Variants in PROK2 observed in about 807,000 individuals in gnomAD.
The protein encoded by PROK2 is prokineticin-2.
PROK2 carries 8 observed loss-of-function variants against 14.2 expected under a neutral mutation model. That is an observed-to-expected ratio of 0.56 (90% CI 0.33 to 1.02). PROK2 has a LOEUF of 1.02. PROK2 is among the 50% of genes least tolerant of loss of function. The pLI is 0.03. For synonymous variants in PROK2, 59 were observed against 60.7 expected (o/e 0.97, Z 0.13); for missense variants, 154 against 160.4 (o/e 0.96, Z 0.22).
At position 71,774,491 on chromosome 3, in the gene PROK2, C is replaced by T; in HGVS notation, c.239G>A (p.Gly80Glu). 6.4e-7 allele frequency: 1 copy of T among 1,551,204 alleles called. No individual in the cohort carries two copies. Among genetic ancestry groups the T allele is most frequent in the Non-Finnish European group, 8.7e-7 (1 of 1,146,768 alleles). ...PLTRKNNFGN[G>E]RQERRKRKRS... ...CTTCCTCTTTCTTCTTTCCTGCCTT[C>T]CATTTCCAAAATTGTTCTGGAAGGG... is the stretch of plus-strand genomic sequence containing the variant. The change falls in exon 3 of 4, where the codon GGA becomes GAA. Residue 80 changes from glycine (G) to glutamate (E), a missense_variant. Gly to Glu is a moderately conservative substitution (Grantham distance 98). Transcript: ENST00000295619.
At chr3:71,774,543 T>C (rs2050104128) in intron 2 of PROK2, 36 bp from the exon 3 acceptor site, 2 of 1,544,762 alleles carry the variant, frequency 1.3e-6, no homozygotes, top group South Asian at 1.2e-5. Context: ...GATCAATAAA[T>C]ACAAAGGGAA....
intron 2 of PROK2, among the ~76,000 whole-genome samples, chr3:71,777,635 A>AAGAT (rs2050129944): frequency 6.6e-6 from 1 of 152,148 alleles, no homozygotes; most frequent in Non-Finnish European, 1.5e-5. Flanking sequence ...ATTTAAAAAC[A>AAGAT]AGATTGTTTG....
intron 2 of PROK2, among the ~76,000 whole-genome samples, chr3:71,777,378 T>A (rs186924287): frequency 6.6e-6 from 1 of 152,322 alleles, no homozygotes; most frequent in African/African-American, 2.4e-5. Flanking sequence ...TTTAGTATTT[T>A]AAAATTTTTT....
At chr3:71,778,234 A>C (rs1224597935) in intron 2 of PROK2, among the ~76,000 whole-genome samples, 1 of 151,972 alleles carries the variant, frequency 6.6e-6, no homozygotes, top group Non-Finnish European at 1.5e-5. Flanking sequence ...AAATAAAATA[A>C]AAAATTTGAG....
At chr3:71,773,199 C>T (rs946220860) in intron 3 of PROK2, among the ~76,000 whole-genome samples, 2 of 152,160 alleles carry the variant, frequency 1.3e-5, no homozygotes, top group Non-Finnish European at 1.5e-5. Flanking sequence ...AGGCGGGTCT[C>T]GAACTACCAA....
chr3:71,774,294 C>T, intron 3 of PROK2, 151 bp downstream of exon 3: 1 of 1,414,282 alleles, frequency 7.1e-7, no homozygotes, highest in Non-Finnish European at 9.5e-7. Flanking sequence ...TACAGATTAT[C>T]AAAGCTGTCT....
rs60966405 is a variant in PROK2 at position 71,781,190 on chromosome 3, T to C, written c.222+277A>G. Reference sequence around the variant, plus strand: ...TATATATTTTTGTTCTAAATAACTTTTAAGCAAATTCATGTGTTGCAAATT... The same window carrying C: ...TATATATTTTTGTTCTAAATAACTTCTAAGCAAATTCATGTGTTGCAAATT... On this transcript the variant is annotated intron_variant, in intron 2 of 3. Transcript: ENST00000295619. 0.13 allele frequency among the ~76,000 whole-genome samples: 19,297 copies of C among 152,186 alleles called. 2,301 individuals carry two copies. The highest frequency in any genetic ancestry group is 0.32 in the African/African-American group (13,279 of 41,466).
At chr3:71,779,420 T>C (rs1022783771) in intron 2 of PROK2, among the ~76,000 whole-genome samples, 2 of 152,216 alleles carry the variant, frequency 1.3e-5, no homozygotes, top group Non-Finnish European at 2.9e-5. Flanking sequence ...AAGTAAGAAG[T>C]ACATATACAA....
chr3:71,775,865 A>G (rs567715211), intron 2 of PROK2, among the ~76,000 whole-genome samples: 5 of 152,270 alleles, frequency 3.3e-5, no homozygotes, highest in South Asian at 4.1e-4. Context: ...CTATGTGCCA[A>G]TCAAATGCCC....
chr3:71,773,807 G>A (rs1381838043), intron 3 of PROK2, among the ~76,000 whole-genome samples: 9 of 152,214 alleles, frequency 5.9e-5, no homozygotes, highest in Non-Finnish European at 1.3e-4. Context: ...AGCCAAGCTG[G>A]GTTGAGGAGG....
chr3:71,777,865 CAG>C (rs2050131675), intron 2 of PROK2, among the ~76,000 whole-genome samples: 1 of 148,644 alleles, frequency 6.7e-6, no homozygotes, highest in Non-Finnish European at 1.5e-5. Context: ...TTTTTTTAAA[CAG>C]AAAGTTTCTT....
At chr3:71,781,733 C>A in intron 1 of PROK2, 141 bp from the exon 2 acceptor site, 1 of 912,210 alleles carries the variant, frequency 1.1e-6, no homozygotes. Context: ...AAATGATAAC[C>A]TTCATTTACT....
At position 71,772,751 on chromosome 3, in the gene PROK2, G is replaced by C; in HGVS notation, c.363C>G (p.Asn121Lys). ...ACTTTTGGGCTAAACAAATAAATCG[G>C]TTAAATGAAGTCCGTAAACAGGCCA... is the stretch of plus-strand genomic sequence containing the variant. ...PGLACLRTSF[N>K]RFICLAQK Residue 121 changes from asparagine (N) to lysine (K), a missense_variant, in exon 4 of 4, where the codon AAC (asparagine) becomes AAG (lysine). Coordinates refer to ENST00000295619, the MANE Select transcript of PROK2 (RefSeq NM_001126128.2). 2 of 1,614,156 alleles carry C rather than the reference G, an allele frequency of 1.2e-6. No individual in the cohort carries two copies. Among genetic ancestry groups the C allele is most frequent in the Non-Finnish European group, 1.7e-6 (2 of 1,179,990 alleles).
chr3:71,783,311 G>A (rs549897130), intron 1 of PROK2, among the ~76,000 whole-genome samples: 2 of 152,248 alleles, frequency 1.3e-5, no homozygotes, highest in East Asian at 1.9e-4. Context: ...TCCTGTCATG[G>A]AGACATAACT....
intron 2 of PROK2, among the ~76,000 whole-genome samples, chr3:71,776,845 T>C (rs1346509618): frequency 6.6e-6 from 1 of 152,192 alleles, no homozygotes; most frequent in Non-Finnish European, 1.5e-5. Flanking sequence ...AACCACTTAG[T>C]CCAAACTTCA....
chr3:71,785,114 GGTGGAGC>G lies in PROK2; in HGVS notation c.-69_-63del. ...GGGGGCGCGGGGCCCGGGTGCGCTG[GGTGGAGC>G]GCGGAGCGGCGGGCGGACGGGCGCG... is the stretch of plus-strand genomic sequence containing the variant. On this transcript the variant is annotated 5_prime_UTR_variant, in exon 1 of 4. Transcript: ENST00000295619. 9.2e-7 allele frequency: 1 copy of G among 1,089,866 alleles called. No individual in the cohort carries two copies. Among genetic ancestry groups the G allele is most frequent in the Non-Finnish European group, 1.2e-6 (1 of 862,234 alleles). 67.5% of individuals were successfully genotyped at this position (1,089,866 alleles called of 1,614,324 possible). A position where few individuals can be genotyped will look rare whatever the true frequency, so the allele number is the denominator to read the frequency against.
At position 71,772,651 on chromosome 3, in the gene PROK2, G is replaced by T; in HGVS notation, c.*73C>A. On this transcript the variant is annotated 3_prime_UTR_variant, in exon 4 of 4. Transcript: ENST00000295619. The stretch of plus-strand genomic sequence containing the variant: ...AGCATTTCTTTCTGGCACATTTTTT[G>T]TTTGGCACAATCACAAGTAAGACTT... 1 of 1,338,438 alleles carries T rather than the reference G, an allele frequency of 7.5e-7. No individual in the cohort carries two copies. The highest frequency in any genetic ancestry group is 1.1e-6 in the Non-Finnish European group (1 of 933,836). The allele number at this position is 1,338,438 out of a possible 1,614,324, so 82.9% of individuals were successfully genotyped here.
chr3:71,777,961 C>A (rs906212101), intron 2 of PROK2, among the ~76,000 whole-genome samples: 1 of 151,426 alleles, frequency 6.6e-6, no homozygotes, highest in Non-Finnish European at 1.5e-5. Context: ...TTTGGGAGGC[C>A]GAGGCAGGCA....
chr3:71,778,290 T>A (rs2050135302), intron 2 of PROK2, among the ~76,000 whole-genome samples: 1 of 152,184 alleles, frequency 6.6e-6, no homozygotes, highest in Non-Finnish European at 1.5e-5. Flanking sequence ...AAAATGTATT[T>A]AGAAAATATG....
Sources: allele counts gnomAD v4.1 joint callset (sites outside exome capture counted in the v4.1 genomes callset), GRCh38; gene constraint gnomAD v4.1.1; transcripts MANE v1.5; gene names NCBI Gene and HGNC (gene_info 2026-07-23, HGNC 2026-07-21).